The following ANKRD6 variants were observed in gnomAD, a reference collection of about 807,000 sequenced individuals.
ANKRD6 encodes the protein ankyrin repeat domain 6.
In ANKRD6, 56 loss-of-function variants were observed where a neutral mutation model predicts 82.3. The observed-to-expected ratio is 0.68, with a 90% CI of 0.55 to 0.85. ANKRD6 has a LOEUF of 0.85. Ranked by LOEUF, ANKRD6 falls within the 40% of genes least tolerant of loss-of-function variation. The pLI, the probability that ANKRD6 is intolerant of heterozygous loss-of-function variation, is 0.00. For synonymous variants in ANKRD6, 347 were observed against 352.1 expected (o/e 0.99, Z 0.16); for missense variants, 852 against 907.6 (o/e 0.94, Z 0.79).
chr6:89,540,767 A>G (rs1387164730), intron 1 of ANKRD6, among the ~76,000 whole-genome samples: 1 of 152,188 alleles, frequency 6.6e-6, no homozygotes, highest in African/African-American at 2.4e-5. Context: ...GCGGTATTAG[A>G]TTTAAGTCTT....
intron 1 of ANKRD6, among the ~76,000 whole-genome samples, chr6:89,445,724 G>A (rs377011687): frequency 6.6e-5 from 10 of 152,026 alleles, no homozygotes; most frequent in Non-Finnish European, 1.0e-4. Context: ...GTTTACAGGC[G>A]TAAGCCACTG....
At chr6:89,508,162 AT>A (rs1448873434) in intron 1 of ANKRD6, among the ~76,000 whole-genome samples, 1 of 152,240 alleles carries the variant, frequency 6.6e-6, no homozygotes, top group Non-Finnish European at 1.5e-5. Flanking sequence ...AACATTTAGT[AT>A]TCCGTACTGT....
At chr6:89,542,359 T>G (rs1784540361) in intron 1 of ANKRD6, among the ~76,000 whole-genome samples, 1 of 152,228 alleles carries the variant, frequency 6.6e-6, no homozygotes, top group African/African-American at 2.4e-5. Context: ...CTGTTGATGA[T>G]TATTGTCAAG....
At chr6:89,583,736 C>T (rs1051159745) in intron 2 of ANKRD6, among the ~76,000 whole-genome samples, 1 of 152,252 alleles carries the variant, frequency 6.6e-6, no homozygotes, top group Non-Finnish European at 1.5e-5. Context: ...TGGCTGCTCT[C>T]TCCTGCCCCT....
At chr6:89,497,061 T>C (rs78006866) in intron 1 of ANKRD6, among the ~76,000 whole-genome samples, 1,861 of 152,298 alleles carry the variant, frequency 0.012, 39 homozygotes, top group African/African-American at 0.043. Context: ...TCAGGGATGC[T>C]TTCTCTCTGA....
intron 1 of ANKRD6, among the ~76,000 whole-genome samples, chr6:89,484,828 T>C (rs1777185891): frequency 6.6e-6 from 1 of 152,228 alleles, no homozygotes; most frequent in South Asian, 2.1e-4. Flanking sequence ...TAAATGTCTT[T>C]TGCTCTAATG....
intron 1 of ANKRD6, among the ~76,000 whole-genome samples, chr6:89,559,424 C>G (rs1394483973): frequency 2.0e-5 from 3 of 152,188 alleles, no homozygotes; most frequent in Non-Finnish European, 4.4e-5. Flanking sequence ...TGATCCCTCT[C>G]CCAGTTTCCA....
In ANKRD6 at chr6:89,513,661, A is replaced by AT. The variant is rs552468387; in HGVS notation, c.-143-53170dup. Among the ~76,000 whole-genome samples the AT allele has an allele frequency of 2.2e-3, 337 of 152,348 alleles. 2 individuals are homozygous for AT. The highest frequency in any genetic ancestry group is 1.7e-3 in the Non-Finnish European group (113 of 68,032). On this transcript the variant is annotated intron_variant, in intron 1 of 15. Transcript: ENST00000339746. Reference sequence around the variant, plus strand: ...TTTTAAAAAATTATCTGTATTTTAAATTTCATTTTCAACTTTGCTGTTAAA... The same window carrying AT: ...TTTTAAAAAATTATCTGTATTTTAAATTTTCATTTTCAACTTTGCTGTTAAA...
intron 1 of ANKRD6, among the ~76,000 whole-genome samples, chr6:89,519,708 C>T (rs1019672724): frequency 2.0e-5 from 3 of 152,148 alleles, no homozygotes; most frequent in Non-Finnish European, 2.9e-5. Flanking sequence ...AGCTAGTATA[C>T]CTCTTGGCAT....
intron 1 of ANKRD6, among the ~76,000 whole-genome samples, chr6:89,530,741 G>A (rs1167131100): frequency 6.6e-6 from 1 of 152,246 alleles, no homozygotes; most frequent in Non-Finnish European, 1.5e-5. Flanking sequence ...GGCTTGCTTT[G>A]AAAATGTTCC....
At chr6:89,617,806 A>G in intron 8 of ANKRD6, 148 bp from the exon 9 acceptor site, 1 of 702,490 alleles carries the variant, frequency 1.4e-6, no homozygotes, top group East Asian at 2.6e-5. Flanking sequence ...CCAGGGCCAT[A>G]TCACATAGGT....
intron 1 of ANKRD6, among the ~76,000 whole-genome samples, chr6:89,462,872 T>G (rs547350200): frequency 1.0e-3 from 152 of 151,362 alleles, no homozygotes; most frequent in Middle Eastern, 6.8e-3. Flanking sequence ...TTAGTTTTTT[T>G]TTTTTTTTTT....
At chr6:89,506,387 T>A (rs183437572) in intron 1 of ANKRD6, among the ~76,000 whole-genome samples, 3 of 152,330 alleles carry the variant, frequency 2.0e-5, no homozygotes, top group East Asian at 3.9e-4. Context: ...CAATCTCAGC[T>A]CACTGCAACC....
At chr6:89,482,725 G>A (rs1776950002) in intron 1 of ANKRD6, among the ~76,000 whole-genome samples, 1 of 152,144 alleles carries the variant, frequency 6.6e-6, no homozygotes, top group African/African-American at 2.4e-5. Context: ...GGAACCCCCA[G>A]AATAAATCTA....
intron 1 of ANKRD6, among the ~76,000 whole-genome samples, chr6:89,441,452 C>T (rs1354356697): frequency 2.0e-5 from 3 of 152,022 alleles, no homozygotes; most frequent in African/African-American, 4.8e-5. Flanking sequence ...TGCACCTGGC[C>T]GAATTTATCT....
At chr6:89,578,610 G>A (rs963902087) in intron 2 of ANKRD6, among the ~76,000 whole-genome samples, 2 of 152,000 alleles carry the variant, frequency 1.3e-5, no homozygotes, top group African/African-American at 4.8e-5. Flanking sequence ...TTTTTTCATT[G>A]TATTGTTTCA....
intron 1 of ANKRD6, among the ~76,000 whole-genome samples, chr6:89,489,789 C>T (rs149792516): frequency 0.012 from 1,797 of 152,258 alleles, 16 homozygotes; most frequent in Non-Finnish European, 0.018. Flanking sequence ...CCTGGTGAAG[C>T]CTGTGTCTAA....
At chr6:89,503,847 G>A (rs941639260) in intron 1 of ANKRD6, among the ~76,000 whole-genome samples, 1 of 152,126 alleles carries the variant, frequency 6.6e-6, no homozygotes, top group African/African-American at 2.4e-5. Flanking sequence ...CATAGTGCAA[G>A]GCCTTGAGGC....
intron 1 of ANKRD6, among the ~76,000 whole-genome samples, chr6:89,463,634 C>T (rs532437603): frequency 3.3e-5 from 5 of 152,192 alleles, no homozygotes; most frequent in African/African-American, 9.6e-5. Context: ...CTGCAACCTC[C>T]GCCTCCTGGG....
Sources: allele counts gnomAD v4.1 joint callset (sites outside exome capture counted in the v4.1 genomes callset), GRCh38; gene constraint gnomAD v4.1.1; transcripts MANE v1.5; gene names NCBI Gene and HGNC (gene_info 2026-07-23, HGNC 2026-07-21).